The following PLAA variants were observed in gnomAD, a reference collection of about 807,000 sequenced individuals.
PLAA encodes the protein phospholipase A2 activating protein, also known as phospholipase A-2-activating protein.
In PLAA, 48 loss-of-function variants were observed where a neutral mutation model predicts 84.1. The observed-to-expected ratio is 0.57, with a 90% CI of 0.45 to 0.73. PLAA has a LOEUF of 0.73. Among genes scored for constraint, PLAA ranks in the 30% least tolerant of loss-of-function variants. The pLI, the probability that PLAA is intolerant of heterozygous loss-of-function variation, is 0.00. For missense variants in PLAA, 903 were observed against 954.7 expected, an observed-to-expected ratio of 0.95 and a Z score of 0.71; for synonymous variants, 392 against 336.6, an observed-to-expected ratio of 1.16 and a Z score of -1.80.
In PLAA at chr9:26,928,542, C is replaced by G. The variant is rs191233616; in HGVS notation, c.344-134G>C. On this transcript the variant is annotated intron_variant, in intron 2 of 13. Transcript: ENST00000397292. ...CTTAGCTAACTAAGGCTCAATTCAG[C>G]AGAGACGCATAAGAGTACAGTGGTC... 5.9e-4 allele frequency: 409 copies of G among 687,908 alleles called. 2 individuals carry two copies. The highest frequency in any genetic ancestry group is 1.0e-3 in the Admixed American group (48 of 46,596). 42.6% of individuals were successfully genotyped at this position (687,908 alleles called of 1,614,324 possible).
In PLAA at chr9:26,904,879, CGTCT is replaced by C. The variant is rs1316736057; in HGVS notation, c.*628_*631del. On this transcript the variant is annotated 3_prime_UTR_variant, in exon 14 of 14. Transcript: ENST00000397292. ...TAAGCCTGGAGTTAAATTGAGACCT[CGTCT>C]GTCTGAACTGATACATGACTAACAC... 1 of 152,188 alleles carries C rather than the reference CGTCT, an allele frequency of 6.6e-6. No individual in the cohort carries two copies. Among genetic ancestry groups the C allele is most frequent in the African/African-American group, 2.4e-5 (1 of 41,412 alleles). 9.4% of individuals were successfully genotyped at this position (152,188 alleles called of 1,614,324 possible).
intron 12 of PLAA, among the ~76,000 whole-genome samples, chr9:26,909,360 A>G (rs1338687434): frequency 6.6e-6 from 1 of 152,204 alleles, no homozygotes; most frequent in Admixed American, 6.5e-5. Context: ...GTGTGCATAT[A>G]CTACATTATT....
intron 9 of PLAA, among the ~76,000 whole-genome samples, chr9:26,917,758 CTA>C (rs1331694582): frequency 6.6e-6 from 1 of 152,008 alleles, no homozygotes; most frequent in Non-Finnish European, 1.5e-5. Context: ...GCGTATGTGC[CTA>C]TGTTTTGTTA....
intron 10 of PLAA, among the ~76,000 whole-genome samples, chr9:26,915,063 T>C (rs1251537920): frequency 6.6e-6 from 1 of 151,726 alleles, no homozygotes; most frequent in Non-Finnish European, 1.5e-5. Flanking sequence ...AAATACAAAA[T>C]TAGCTGGGCA....
chr9:26,940,411 C>G (rs1228673363), intron 1 of PLAA, among the ~76,000 whole-genome samples: 1 of 152,206 alleles, frequency 6.6e-6, no homozygotes, highest in Non-Finnish European at 1.5e-5. Flanking sequence ...AACACAAATA[C>G]TGTATGATCC....
At chr9:26,922,937 T>G (rs1298832419) in intron 7 of PLAA, among the ~76,000 whole-genome samples, 1 of 152,190 alleles carries the variant, frequency 6.6e-6, no homozygotes, top group Non-Finnish European at 1.5e-5. Context: ...CTACTGTAAA[T>G]GATCTAAGTG....
At chr9:26,925,221 A>C (rs1266241187) in intron 6 of PLAA, among the ~76,000 whole-genome samples, 1 of 152,234 alleles carries the variant, frequency 6.6e-6, no homozygotes, top group African/African-American at 2.4e-5. Flanking sequence ...TCCAATCTAC[A>C]TATTTAGTAA....
intron 2 of PLAA, among the ~76,000 whole-genome samples, chr9:26,930,091 CTTATTATTA>C (rs201461032): frequency 2.7e-5 from 4 of 149,618 alleles, no homozygotes; most frequent in Middle Eastern, 6.9e-3. Context: ...AAGCCAGTGC[CTTATTATTA>C]TTATTATTTT....
intron 7 of PLAA, among the ~76,000 whole-genome samples, chr9:26,921,163 G>C (rs1303131181): frequency 6.6e-6 from 1 of 152,114 alleles, no homozygotes; most frequent in African/African-American, 2.4e-5. Flanking sequence ...CTTTGTATTA[G>C]CTGTTTATTC....
intron 6 of PLAA, among the ~76,000 whole-genome samples, chr9:26,923,700 G>T (rs545058136): frequency 1.3e-5 from 2 of 152,228 alleles, no homozygotes; most frequent in South Asian, 4.2e-4. Flanking sequence ...TTTATAAAGG[G>T]CTCAAAGACC....
chr9:26,937,357 T>A (rs1207285718), intron 1 of PLAA, among the ~76,000 whole-genome samples: 1 of 151,884 alleles, frequency 6.6e-6, no homozygotes, highest in Non-Finnish European at 1.5e-5. Context: ...AAAGACACCC[T>A]TCAACAACAA....
At chr9:26,908,261 G>A (rs183414226) in intron 12 of PLAA, among the ~76,000 whole-genome samples, 8 of 150,500 alleles carry the variant, frequency 5.3e-5, no homozygotes, top group African/African-American at 1.5e-4. Flanking sequence ...TCGCCCCCCA[G>A]GTTCAAGCAA....
rs2131381188 is a variant in PLAA at position 26,920,277 on chromosome 9, A to AGCC, written c.1144_1146dup (p.Gly382dup). On this transcript the variant is annotated inframe_insertion, in exon 8 of 14. Coordinates refer to ENST00000397292, the MANE Select transcript of PLAA (RefSeq NM_001031689.3). ...GATGTTTGCTGATTAGCACCAGATG[A>AGCC]GCCAACAACATCACCAATTTTTATC... The AGCC allele has an allele frequency of 6.2e-7, 1 of 1,613,966 alleles. No homozygotes were observed. The highest frequency in any genetic ancestry group is 2.2e-5 in the East Asian group (1 of 44,856).
At position 26,905,841 on chromosome 9, in the gene PLAA, A is replaced by G. The variant is rs1824216049; in HGVS notation, c.2058T>C (p.His686=). The G allele has an allele frequency of 6.2e-7, 1 of 1,614,066 alleles. No individual in the cohort carries two copies. The highest frequency in any genetic ancestry group is 1.7e-5 in the Admixed American group (1 of 60,000). ...TGCTCCCTGATTTCAGTTCTATTGC[A>G]TGGGACATCAGTGATTCCCTCTGGG... ...MMSQRESLMS[H]AIELKSGSNK... The change falls in exon 14 of 14, where the codon CAT becomes CAC. Residue 686 remains histidine (H), a synonymous_variant. Transcript: ENST00000397292.
At chr9:26,928,444 T>C (rs1270584561) in intron 2 of PLAA, 36 bp from the exon 3 acceptor site, 2 of 1,343,210 alleles carry the variant, frequency 1.5e-6, no homozygotes, top group Non-Finnish European at 2.1e-6. Flanking sequence ...CACATTTTCA[T>C]ACAGAAAAAT....
chr9:26,930,731 C>T (rs534867881), intron 2 of PLAA, among the ~76,000 whole-genome samples: 21 of 151,822 alleles, frequency 1.4e-4, no homozygotes, highest in African/African-American at 2.9e-4. Flanking sequence ...TACATGCATG[C>T]GCCACCATGC....
Position 26,906,227 on chromosome 9 carries a change from T to C in PLAA, c.1823-151A>G, listed in dbSNP as rs184971477. The C allele has an allele frequency of 3.5e-4, 182 of 513,474 alleles. 2 individuals carry two copies. The highest frequency in any genetic ancestry group is 4.7e-5 in the Non-Finnish European group (14 of 301,058). The allele number at this position is 513,474 out of a possible 1,614,324, so 31.8% of individuals were successfully genotyped here. A position where few individuals can be genotyped will look rare whatever the true frequency, so the allele number is the denominator to read the frequency against. ...GTCTGCTTTAAAAAAAATGCATATATTTCTGAAACTTTTGTTAATTTTTCA... is the reference window on the plus strand; with the variant it reads ...GTCTGCTTTAAAAAAAATGCATATACTTCTGAAACTTTTGTTAATTTTTCA... On this transcript the variant is annotated intron_variant, in intron 13 of 13. Transcript: ENST00000397292.
intron 11 of PLAA, 35 bp from the exon 12 acceptor site, chr9:26,910,474 G>A (rs1378482126): frequency 1.3e-6 from 2 of 1,498,376 alleles, no homozygotes; most frequent in Non-Finnish European, 1.9e-6. Context: ...ATAATCACAA[G>A]GAGTGATCAA....
intron 2 of PLAA, among the ~76,000 whole-genome samples, chr9:26,933,598 C>T (rs1200254927): frequency 1.3e-5 from 2 of 151,714 alleles, no homozygotes; most frequent in African/African-American, 2.4e-5. Context: ...ATCATCCTGG[C>T]TAACATGGTA....
Sources: gnomAD v4.1 joint callset for allele counts (sites outside exome capture counted in the v4.1 genomes callset) on GRCh38, gnomAD v4.1.1 for gene constraint, MANE v1.5 for transcripts, NCBI Gene and HGNC (gene_info 2026-07-23, HGNC 2026-07-21) for gene names.